EML5: variants seen among roughly 807,000 people sequenced by gnomAD.
The protein encoded by EML5 is echinoderm microtubule-associated protein-like 5.
Under a neutral mutation model 250.0 loss-of-function variants are expected in EML5, and 120 were observed. The observed-to-expected ratio is 0.48, with a 90% CI of 0.41 to 0.56. The LOEUF (loss-of-function observed/expected upper bound fraction) is 0.56. Ranked by LOEUF, EML5 falls within the 20% of genes least tolerant of loss-of-function variation. The pLI, the probability that EML5 is intolerant of heterozygous loss-of-function variation, is 0.00. For synonymous variants in EML5, 771 were observed against 806.5 expected (o/e 0.96, Z 0.75); for missense variants, 2,006 against 2,437.6 (o/e 0.82, Z 3.73).
intron 1 of EML5, among the ~76,000 whole-genome samples, chr14:88,772,019 A>C (rs1454311075): frequency 6.6e-6 from 1 of 152,216 alleles, no homozygotes; most frequent in Non-Finnish European, 1.5e-5. Flanking sequence ...CAATGGATAC[A>C]TTCCTCAAAT....
At chr14:88,681,724 G>A (rs546249709) in intron 21 of EML5, among the ~76,000 whole-genome samples, 166 bp downstream of exon 21, 1 of 152,230 alleles carries the variant, frequency 6.6e-6, no homozygotes, top group African/African-American at 2.4e-5. Context: ...CCAAGACTGA[G>A]TACAATTACG....
intron 31 of EML5, 23 bp downstream of exon 31, chr14:88,642,870 G>A (rs891217389): frequency 1.8e-5 from 28 of 1,578,804 alleles, no homozygotes; most frequent in Non-Finnish European, 2.4e-5. Flanking sequence ...TTGATAGAGG[G>A]ATGGAGAATC....
At chr14:88,679,849 A>G (rs2092680950) in intron 21 of EML5, among the ~76,000 whole-genome samples, 1 of 152,210 alleles carries the variant, frequency 6.6e-6, no homozygotes, top group Admixed American at 6.5e-5. Context: ...TTATATTTTC[A>G]TCATTACTCA....
chr14:88,764,717 A>G (rs2094297212), intron 1 of EML5, among the ~76,000 whole-genome samples: 1 of 152,128 alleles, frequency 6.6e-6, no homozygotes, highest in Non-Finnish European at 1.5e-5. Context: ...AATGCTCCAA[A>G]TTTCCCTTGA....
rs1437756952 is a variant in EML5 at position 88,652,297 on chromosome 14, G to A, written c.4005-2371C>T. On this transcript the variant is annotated intron_variant, in intron 27 of 43. Transcript: ENST00000554922. ...GGTATACCATCAGCAAACGACACCT[G>A]GAAAAGGAGCTGAGGAGGCACTGCG... Among the ~76,000 whole-genome samples, 3 of 152,082 alleles carry A rather than the reference G, an allele frequency of 2.0e-5. No individual in the cohort carries two copies. In the South Asian group the frequency reaches 6.2e-4, roughly 32 times the overall value.
intron 27 of EML5, among the ~76,000 whole-genome samples, chr14:88,656,019 G>T (rs894385508): frequency 6.6e-6 from 1 of 152,158 alleles, no homozygotes; most frequent in African/African-American, 2.4e-5. Context: ...ACTGTTGGTG[G>T]GAGTGTAAAT....
chr14:88,669,037 G>A (rs1244463260), intron 21 of EML5, among the ~76,000 whole-genome samples: 1 of 152,142 alleles, frequency 6.6e-6, no homozygotes, highest in African/African-American at 2.4e-5. Context: ...GTGAGGAAAA[G>A]CAGGGTGGAG....
At position 88,792,521 on chromosome 14, in the gene EML5, C is replaced by T; in HGVS notation, c.-18G>A. Reference sequence around the variant, plus strand: ...GCCGCCATGTCGGGGCGCCCACCCGCCGCTCCCGCTCGGGCCCGCGGCGGC... The same window carrying T: ...GCCGCCATGTCGGGGCGCCCACCCGTCGCTCCCGCTCGGGCCCGCGGCGGC... On this transcript the variant is annotated 5_prime_UTR_variant, in exon 1 of 44. Coordinates refer to ENST00000554922, the MANE Select transcript of EML5 (RefSeq NM_183387.3). This position sits in a 1 kb window ranked among gnomAD's most constrained non-coding sequence, Gnocchi z 6.9. 3.0e-6 allele frequency: 4 copies of T among 1,336,040 alleles called. No homozygotes were observed. Among genetic ancestry groups the T allele is most frequent in the Non-Finnish European group, 3.9e-6 (4 of 1,034,692 alleles). 82.8% of individuals were successfully genotyped at this position (1,336,040 alleles called of 1,614,324 possible).
At position 88,736,614 on chromosome 14, in the gene EML5, G is replaced by C. The variant is rs767286924; in HGVS notation, c.848-49C>G. 23 of 1,546,532 alleles carry C rather than the reference G, an allele frequency of 1.5e-5. No homozygotes were observed. In the African/African-American group the frequency reaches 3.1e-4, roughly 21 times the overall value. ...AATATATAATGCTGTAATAATGATA[G>C]CAGCAGGAGGCAGACAAATCCCTAT... is the stretch of plus-strand genomic sequence containing the variant. On this transcript the variant is annotated intron_variant, in intron 6 of 43. Coordinates refer to ENST00000554922, the MANE Select transcript of EML5 (RefSeq NM_183387.3).
At chr14:88,764,613 T>C (rs1373892172) in intron 1 of EML5, among the ~76,000 whole-genome samples, 1 of 152,226 alleles carries the variant, frequency 6.6e-6, no homozygotes, top group Non-Finnish European at 1.5e-5. Context: ...CTACTTTGTT[T>C]GTTTTTGTGT....
At chr14:88,654,561 T>C (rs1004173269) in intron 27 of EML5, among the ~76,000 whole-genome samples, 5 of 152,200 alleles carry the variant, frequency 3.3e-5, no homozygotes, top group Admixed American at 1.3e-4. Context: ...CAGGAGCAGG[T>C]TGTTCAGTTT....
chr14:88,734,949 T>C (rs1180634804), intron 7 of EML5, among the ~76,000 whole-genome samples: 1 of 152,108 alleles, frequency 6.6e-6, no homozygotes, highest in Non-Finnish European at 1.5e-5. Flanking sequence ...TAAGAAATCA[T>C]AAAAATATTT....
chr14:88,716,410 T>C (rs1480841814), intron 8 of EML5, among the ~76,000 whole-genome samples: 1 of 152,198 alleles, frequency 6.6e-6, no homozygotes, highest in Admixed American at 6.5e-5. Flanking sequence ...CAGGGACTCC[T>C]TCAAGTTAAC....
Position 88,620,951 on chromosome 14 carries a change from A to T in EML5, c.5203-25T>A. On this transcript the variant is annotated intron_variant, in intron 38 of 43. Transcript: ENST00000554922. This position sits in a 1 kb window ranked among gnomAD's most constrained non-coding sequence, Gnocchi z 4.3. ...TCTGCATTTAAAAAAAAAAAAAAAAAGAGTCATAGGAAACATTAAGTGAAG... is the reference window on the plus strand; with the variant it reads ...TCTGCATTTAAAAAAAAAAAAAAAATGAGTCATAGGAAACATTAAGTGAAG... 6.8e-7 allele frequency: 1 copy of T among 1,464,040 alleles called. No homozygotes were observed. Among genetic ancestry groups the T allele is most frequent in the Non-Finnish European group, 9.0e-7 (1 of 1,106,552 alleles). The allele number at this position is 1,464,040 out of a possible 1,614,324, so 90.7% of individuals were successfully genotyped here.
In EML5 at chr14:88,712,386, C is replaced by T; in HGVS notation, c.1542G>A (p.Lys514=). The change falls in exon 10 of 44, where the codon AAG becomes AAA. Residue 514 remains lysine (K), a synonymous_variant. Coordinates refer to ENST00000554922, the MANE Select transcript of EML5 (RefSeq NM_183387.3). ...AATTTATATCGTTGATATCTGAATA[C>T]TTGGGCCAAATTCCATTTACTTCAA... ...SGLEVNGIWP[K]YSDINDINSV... 1 of 1,613,586 alleles carries T rather than the reference C, an allele frequency of 6.2e-7. No homozygotes were observed. The highest frequency in any genetic ancestry group is 8.5e-7 in the Non-Finnish European group (1 of 1,179,682).
At chr14:88,677,847 G>A (rs1345604517) in intron 21 of EML5, among the ~76,000 whole-genome samples, 1 of 152,200 alleles carries the variant, frequency 6.6e-6, no homozygotes. Flanking sequence ...CTCTGTTGGT[G>A]TGAATGTAAA....
At chr14:88,648,526 A>T (rs994461785) in intron 28 of EML5, among the ~76,000 whole-genome samples, 6 of 151,854 alleles carry the variant, frequency 4.0e-5, no homozygotes, top group Middle Eastern at 3.4e-3. Flanking sequence ...GCTAATTTTT[A>T]AAATTTTTTT....
intron 33 of EML5, among the ~76,000 whole-genome samples, chr14:88,632,746 G>C (rs79636250): frequency 1.3e-5 from 2 of 152,180 alleles, no homozygotes; most frequent in Non-Finnish European, 2.9e-5. Context: ...CACCTGGGGC[G>C]CTGAACACTT....
chr14:88,706,540 T>C, intron 10 of EML5, 114 bp from the exon 11 acceptor site: 4 of 797,622 alleles, frequency 5.0e-6, no homozygotes, highest in Non-Finnish European at 7.1e-6. Flanking sequence ...TATAAACAAA[T>C]GGGAAAAATG....
Sources: allele counts gnomAD v4.1 joint callset (sites outside exome capture counted in the v4.1 genomes callset), GRCh38; gene constraint gnomAD v4.1.1; non-coding constraint Gnocchi (gnomAD v3.1); transcripts MANE v1.5; gene names NCBI Gene and HGNC (gene_info 2026-07-23, HGNC 2026-07-21).